Variants in CPXM2 observed in about 807,000 individuals in gnomAD.
The protein encoded by CPXM2 is inactive carboxypeptidase-like protein X2.
CPXM2 carries 66 observed loss-of-function variants against 86.1 expected under a neutral mutation model. The observed-to-expected ratio is 0.77, with a 90% CI of 0.63 to 0.94. The LOEUF (loss-of-function observed/expected upper bound fraction) is 0.94, where lower values mean the gene tolerates loss of function less well. CPXM2 is among the 40% of genes least tolerant of loss of function. CPXM2 has a pLI of 0.00. For missense variants in CPXM2, 948 were observed against 1,026.3 expected (o/e 0.92, Z 1.04); for synonymous variants, 388 against 400.2 (o/e 0.97, Z 0.36).
chr10:123,891,531 C>G lies in CPXM2; in HGVS notation c.129G>C (p.Arg43=). 1 of 1,548,624 alleles carries G rather than the reference C, an allele frequency of 6.5e-7. No individual in the cohort carries two copies. Among genetic ancestry groups the G allele is most frequent in the Non-Finnish European group, 8.7e-7 (1 of 1,145,698 alleles). Residue 43 remains arginine (R), a synonymous_variant, in exon 1 of 14, where the codon CGG becomes CGC. Transcript: ENST00000241305. This position sits in a 1 kb window ranked among gnomAD's most constrained non-coding sequence, Gnocchi z 5.6. ...PDYYGQEIWS[R]EPYYARPEPE... is the part of the protein sequence containing the mutation. ...GCTCCGGGCGCGCGTAGTAGGGCTC[C>G]CGGCTCCAGATCTCCTGCCCGTAAT...
intron 2 of CPXM2, among the ~76,000 whole-genome samples, chr10:123,907,185 G>A (rs1223732116): frequency 6.6e-6 from 1 of 152,186 alleles, no homozygotes; most frequent in Non-Finnish European, 1.5e-5. Flanking sequence ...ACCTGCTCCT[G>A]CTGCCAACAC....
intron 4 of CPXM2, among the ~76,000 whole-genome samples, chr10:123,803,106 C>A: frequency 9.6e-6 from 1 of 104,344 alleles, no homozygotes; most frequent in African/African-American, 3.1e-5. Context: ...TTTTCATCCT[C>A]TTTGTAGTAC....
At chr10:123,902,148 A>C (rs2134261653) in intron 2 of CPXM2, among the ~76,000 whole-genome samples, 1 of 152,326 alleles carries the variant, frequency 6.6e-6, no homozygotes, top group East Asian at 1.9e-4. Context: ...GAAGTGTTTA[A>C]ATTTTATATT....
At chr10:123,780,047 A>G (rs1846896329) in intron 7 of CPXM2, 120 bp downstream of exon 7, 2 of 692,218 alleles carry the variant, frequency 2.9e-6, no homozygotes, top group East Asian at 2.6e-5. Flanking sequence ...AGCAAACCAA[A>G]TGATCATTCA....
intron 3 of CPXM2, among the ~76,000 whole-genome samples, chr10:123,861,462 C>T (rs1415207696): frequency 6.6e-6 from 1 of 152,186 alleles, no homozygotes; most frequent in Non-Finnish European, 1.5e-5. Flanking sequence ...GATGTCCACG[C>T]TCTAATCCGC....
intron 3 of CPXM2, among the ~76,000 whole-genome samples, chr10:123,856,065 C>T (rs1848715547): frequency 6.6e-6 from 1 of 152,184 alleles, no homozygotes; most frequent in South Asian, 2.1e-4. Context: ...GAGTGTGCTA[C>T]GTTTTTCCTT....
chr10:123,750,747 C>T, intron 13 of CPXM2: 1 of 985,416 alleles, frequency 1.0e-6, no homozygotes, highest in Non-Finnish European at 1.2e-6. Context: ...TGTGTGGGTT[C>T]ACACAGTCAG....
At chr10:123,826,298 G>C (rs1240232993) in intron 4 of CPXM2, among the ~76,000 whole-genome samples, 1 of 152,118 alleles carries the variant, frequency 6.6e-6, no homozygotes, top group African/African-American at 2.4e-5. Flanking sequence ...GAGCACGGAA[G>C]GTTAAGAGCA....
intron 6 of CPXM2, among the ~76,000 whole-genome samples, chr10:123,791,067 T>A (rs111790360): frequency 6.6e-6 from 1 of 152,072 alleles, no homozygotes; most frequent in African/African-American, 2.4e-5. Flanking sequence ...TCTTTGAGTC[T>A]GAGTATCGGT....
At chr10:123,913,334 T>C (rs1945505409) in intron 2 of CPXM2, among the ~76,000 whole-genome samples, 1 of 152,162 alleles carries the variant, frequency 6.6e-6, no homozygotes, top group African/African-American at 2.4e-5. Flanking sequence ...CAAAAGAGAA[T>C]ATGTATTCTC....
chr10:123,863,311 G>GCCCA (rs1848897584), intron 2 of CPXM2, among the ~76,000 whole-genome samples: 1 of 152,130 alleles, frequency 6.6e-6, no homozygotes, highest in Non-Finnish European at 1.5e-5. Context: ...TTGCCCCCAC[G>GCCCA]CCCACCACAG....
At chr10:123,941,354 C>T (rs1307581438), upstream of CPXM2, among the ~76,000 whole-genome samples, 1 of 152,154 alleles carries the variant, frequency 6.6e-6, no homozygotes, top group Non-Finnish European at 1.5e-5. Flanking sequence ...TGGTGTTTCT[C>T]GGCTTACAGC....
chr10:123,764,877 A>G (rs1429911909), intron 10 of CPXM2, among the ~76,000 whole-genome samples: 2 of 132,874 alleles, frequency 1.5e-5, no homozygotes, highest in Non-Finnish European at 3.2e-5. Flanking sequence ...GTAAGAACTT[A>G]AAGTTATAAA....
Position 123,754,687 on chromosome 10 carries a change from C to T in CPXM2, c.1993G>A (p.Gly665Ser). 4 of 1,603,344 alleles carry T rather than the reference C, an allele frequency of 2.5e-6. No homozygotes were observed. In the South Asian group the frequency reaches 3.3e-5, roughly 13 times the overall value. ...CCTGTTCGGATGTCATGGTTAATGC[C>T]TTCTACGGAGATAATGGCGTTTGGG... Reference protein sequence around the residue: ...GIPNAIISVEGINHDIRTAND... With the variant: ...GIPNAIISVESINHDIRTAND... The change falls in exon 13 of 14, where the codon GGC (glycine) becomes AGC (serine). Residue 665 changes from glycine to serine, a missense_variant. Coordinates refer to ENST00000241305, the MANE Select transcript of CPXM2 (RefSeq NM_198148.3). The surrounding 1 kb of genome is among the most constrained non-coding windows in gnomAD (Gnocchi z 4.0).
rs895994703 is a variant in CPXM2 at position 123,788,094 on chromosome 10, A to C, written c.890-7839T>G. Among the ~76,000 whole-genome samples the C allele has an allele frequency of 9.9e-5, 15 of 151,922 alleles. No individual in the cohort carries two copies. In the East Asian group the frequency reaches 2.9e-3, roughly 30 times the overall value. ...AAGGAGTTCAAGACCAGCCTGGCCA[A>C]CATGGTGAAATCCCGGTCTCTACTA... On this transcript the variant is annotated intron_variant, in intron 6 of 13. Transcript: ENST00000241305.
chr10:123,931,421 C>T (rs1590128165), intron 2 of CPXM2: 1 of 152,348 alleles, frequency 6.6e-6, no homozygotes, highest in East Asian at 1.9e-4. Flanking sequence ...TGCCCCATCC[C>T]TTGGCTGATT....
chr10:123,916,936 C>A (rs1322390296), intron 2 of CPXM2, among the ~76,000 whole-genome samples: 1 of 152,096 alleles, frequency 6.6e-6, no homozygotes, highest in Non-Finnish European at 1.5e-5. Flanking sequence ...TGCCACCACG[C>A]CCAGCTCTGA....
At chr10:123,877,647 C>T (rs548939792) in intron 2 of CPXM2, among the ~76,000 whole-genome samples, 1 of 152,284 alleles carries the variant, frequency 6.6e-6, no homozygotes, top group South Asian at 2.1e-4. Context: ...AGCCCAAAGC[C>T]AAGGGACTTC....
intron 11 of CPXM2, among the ~76,000 whole-genome samples, chr10:123,759,729 T>A (rs1340761372): frequency 2.0e-5 from 3 of 152,220 alleles, no homozygotes; most frequent in Non-Finnish European, 4.4e-5. Context: ...CACAGCCGCA[T>A]TCCTTACAGC....
Sources: allele counts gnomAD v4.1 joint callset (sites outside exome capture counted in the v4.1 genomes callset), GRCh38; gene constraint gnomAD v4.1.1; non-coding constraint Gnocchi (gnomAD v3.1); transcripts MANE v1.5; gene names NCBI Gene and HGNC (gene_info 2026-07-23, HGNC 2026-07-21).